CNNM2: variants seen among roughly 807,000 people sequenced by gnomAD.
The protein encoded by CNNM2 is metal transporter CNNM2.
A neutral mutation model predicts 66.9 loss-of-function variants in CNNM2; 12 were observed. That is an observed-to-expected ratio of 0.18 (90% confidence interval 0.11 to 0.29). The LOEUF (loss-of-function observed/expected upper bound fraction) is 0.29. Among genes scored for constraint, CNNM2 ranks in the 10% least tolerant of loss-of-function variants. The pLI, the probability that CNNM2 is intolerant of heterozygous loss-of-function variation, is 1.00. For missense variants in CNNM2, 705 were observed against 1,167.7 expected, an observed-to-expected ratio of 0.60 and a Z score of 5.77; for synonymous variants, 557 against 501.8, an observed-to-expected ratio of 1.11 and a Z score of -1.47.
At chr10:102,927,307 T>A (rs766729756) in intron 1 of CNNM2, 71 of 1,612,504 alleles carry the variant, frequency 4.4e-5, no homozygotes, top group Non-Finnish European at 5.9e-5. Context: ...TACAGTTTTT[T>A]AAAGTATTGT....
At position 102,918,906 on chromosome 10, in the gene CNNM2, G is replaced by A. The variant is rs570773658; in HGVS notation, c.426G>A (p.Glu142=). 2.8e-5 allele frequency: 45 copies of A among 1,611,472 alleles called. No homozygotes were observed. The East Asian group carries it at 8.9e-4, about 32-fold the overall frequency. ...ERGLGGPAPP[E]PDSGPQRCGI... ...GGCTGGGGGGCCCCGCGCCGCCAGAGCCGGACAGCGGCCCCCAGCGATGCG... is the reference window on the plus strand; with the variant it reads ...GGCTGGGGGGCCCCGCGCCGCCAGAACCGGACAGCGGCCCCCAGCGATGCG... Residue 142 remains glutamate (E), a synonymous_variant, in exon 1 of 8, where the codon GAG becomes GAA. Coordinates refer to ENST00000369878, the MANE Select transcript of CNNM2 (RefSeq NM_017649.5). The surrounding 1 kb of genome is among the most constrained non-coding windows in gnomAD (Gnocchi z 4.1).
chr10:103,027,919 G>A (rs987460584), intron 1 of CNNM2, among the ~76,000 whole-genome samples: 3 of 152,186 alleles, frequency 2.0e-5, no homozygotes, highest in Non-Finnish European at 2.9e-5. Flanking sequence ...GAGGCCATGA[G>A]AAGGTAAATG....
Position 103,054,552 on chromosome 10 carries a change from G to A in CNNM2, c.1903+86G>A, listed in dbSNP as rs2065266459. On this transcript the variant is annotated intron_variant, in intron 3 of 7. Transcript: ENST00000369878. The surrounding 1 kb of genome is among the most constrained non-coding windows in gnomAD (Gnocchi z 5.2). ...CCACTGACTGGGGTGGGTTGGGGGT[G>A]GACACTGGGAAATGGGGTGATAAGT... 7.1e-7 allele frequency: 1 copy of A among 1,409,846 alleles called. No homozygotes were observed. The highest frequency in any genetic ancestry group is 1.4e-5 in the African/African-American group (1 of 69,354). The allele number at this position is 1,409,846 out of a possible 1,614,324, so 87.3% of individuals were successfully genotyped here.
rs17115374 is a variant in CNNM2, at chr10:103,036,704, C to T, written c.1622-13003C>T. ...ATCTTTGTCAGGATTGGACCTCACT[C>T]GGGTTTTCAAATGTTGCATGTAAAA... is the stretch of plus-strand genomic sequence containing the variant. On this transcript the variant is annotated intron_variant, in intron 1 of 7. Coordinates refer to ENST00000369878, the MANE Select transcript of CNNM2 (RefSeq NM_017649.5). 0.015 allele frequency among the ~76,000 whole-genome samples: 2,244 copies of T among 152,258 alleles called. 56 individuals are homozygous for T. The highest frequency in any genetic ancestry group is 0.05 in the African/African-American group (2,088 of 41,534).
intron 1 of CNNM2, among the ~76,000 whole-genome samples, chr10:103,042,874 C>G (rs1406403454): frequency 2.0e-5 from 3 of 152,058 alleles, no homozygotes. Flanking sequence ...TGACATGGGA[C>G]CTAAATTTAG....
In CNNM2 at chr10:102,929,556, T is replaced by G. The variant is rs7904362; in HGVS notation, c.1621+9455T>G. Among the ~76,000 whole-genome samples, 370 of 152,274 alleles carry G rather than the reference T, an allele frequency of 2.4e-3. 2 individuals carry two copies. Among genetic ancestry groups the G allele is most frequent in the African/African-American group, 8.3e-3 (345 of 41,558 alleles). ...CCTAGCAGTTGACAAGGTGACTACA[T>G]GCATATATATTTTTAAGGAAAACAG... On this transcript the variant is annotated intron_variant, in intron 1 of 7. Coordinates refer to ENST00000369878, the MANE Select transcript of CNNM2 (RefSeq NM_017649.5).
At chr10:103,011,680 GTGTGTA>G (rs1669888791) in intron 1 of CNNM2, among the ~76,000 whole-genome samples, 1 of 149,894 alleles carries the variant, frequency 6.7e-6, no homozygotes, top group Non-Finnish European at 1.5e-5. Flanking sequence ...GTGTGTGTGT[GTGTGTA>G]TGTATAATTT....
intron 1 of CNNM2, among the ~76,000 whole-genome samples, chr10:102,976,005 C>A (rs1185541288): frequency 6.6e-6 from 1 of 152,108 alleles, no homozygotes; most frequent in African/African-American, 2.4e-5. Context: ...TTAAAAGAAC[C>A]TCACTGGTTC....
intron 1 of CNNM2, among the ~76,000 whole-genome samples, chr10:102,953,289 C>G (rs993460095): frequency 6.6e-6 from 1 of 152,134 alleles, no homozygotes; most frequent in African/African-American, 2.4e-5. Context: ...TGGAGTCTCA[C>G]TCTGTCGCCC....
chr10:103,050,308 A>C (rs1015475890), intron 2 of CNNM2, among the ~76,000 whole-genome samples: 25 of 152,106 alleles, frequency 1.6e-4, no homozygotes, highest in African/African-American at 5.5e-4. Flanking sequence ...GAGGCAGGTG[A>C]ATCACCTGAG....
chr10:102,937,744 A>G (rs1846289461), intron 1 of CNNM2, among the ~76,000 whole-genome samples: 1 of 151,958 alleles, frequency 6.6e-6, no homozygotes, highest in Admixed American at 6.6e-5. Context: ...AGATAAACAG[A>G]TGTGATTTTC....
intron 1 of CNNM2, among the ~76,000 whole-genome samples, chr10:102,921,920 T>A (rs917761389): frequency 1.3e-5 from 2 of 152,214 alleles, no homozygotes; most frequent in African/African-American, 4.8e-5. Flanking sequence ...CCGCCCTTAC[T>A]CAAAATTTCA....
chr10:103,076,932 T>C (rs1186600876), intron 7 of CNNM2, 39 bp from the exon 8 acceptor site: 3 of 1,572,384 alleles, frequency 1.9e-6, no homozygotes, highest in African/African-American at 1.3e-5. Context: ...AAAATAAGCA[T>C]TATCTTGGTT....
chr10:103,036,595 T>C (rs2134310531), intron 1 of CNNM2, among the ~76,000 whole-genome samples: 1 of 152,310 alleles, frequency 6.6e-6, no homozygotes, highest in Admixed American at 6.5e-5. Context: ...AGGTGGGGTC[T>C]CTGCTACTCT....
chr10:103,008,230 C>T (rs947590034), intron 1 of CNNM2, among the ~76,000 whole-genome samples: 1 of 151,984 alleles, frequency 6.6e-6, no homozygotes, highest in Non-Finnish European at 1.5e-5. Flanking sequence ...GGGCAGGGGG[C>T]TGTACCTCAC....
intron 1 of CNNM2, among the ~76,000 whole-genome samples, chr10:103,026,579 G>A (rs1303835138): frequency 7.2e-6 from 1 of 138,604 alleles, no homozygotes; most frequent in African/African-American, 2.7e-5. Context: ...CTAGCCTTAG[G>A]GACAGAGTGA....
chr10:102,971,018 C>G (rs1231388827), intron 1 of CNNM2, among the ~76,000 whole-genome samples: 1 of 149,266 alleles, frequency 6.7e-6, no homozygotes, highest in African/African-American at 2.5e-5. Context: ...TGGTGAGACC[C>G]TGTCTCTACA....
chr10:102,974,998 C>T (rs1312704499), intron 1 of CNNM2, among the ~76,000 whole-genome samples: 7 of 152,118 alleles, frequency 4.6e-5, no homozygotes, highest in African/African-American at 1.7e-4. Context: ...AATTAGCCAT[C>T]AGGATATGTA....
At chr10:102,975,482 A>AAAAC (rs2063614497) in intron 1 of CNNM2, among the ~76,000 whole-genome samples, 1 of 151,426 alleles carries the variant, frequency 6.6e-6, no homozygotes, top group Non-Finnish European at 1.5e-5. Context: ...AAAAAAAAAA[A>AAAAC]AAAAAACAAA....
Sources: gnomAD v4.1 joint callset for allele counts (sites outside exome capture counted in the v4.1 genomes callset) on GRCh38, gnomAD v4.1.1 for gene constraint, Gnocchi (gnomAD v3.1) non-coding constraint, MANE v1.5 for transcripts, NCBI Gene and HGNC (gene_info 2026-07-23, HGNC 2026-07-21) for gene names.